Variants in SLC1A7 observed in about 807,000 individuals in gnomAD.
The protein encoded by SLC1A7 is excitatory amino acid transporter 5.
A neutral mutation model predicts 47.7 loss-of-function variants in SLC1A7; 40 were observed. That is an observed-to-expected ratio of 0.84 (90% CI 0.65 to 1.09). The LOEUF is 1.09. SLC1A7 is among the 50% of genes least tolerant of loss of function. The probability of loss-of-function intolerance (pLI) is 0.00; values close to 1 mark genes in which losing one functional copy is unlikely to be tolerated. For synonymous variants in SLC1A7, 323 were observed against 325.6 expected (o/e 0.99, Z 0.09); for missense variants, 746 against 769.5 (o/e 0.97, Z 0.36).
intron 5 of SLC1A7, among the ~76,000 whole-genome samples, chr1:53,097,406 A>G (rs1380673311): frequency 1.1e-5 from 1 of 89,150 alleles, no homozygotes; most frequent in African/African-American, 4.1e-5. Flanking sequence ...CACTCACACA[A>G]CCCACCTTGG....
At chr1:53,123,063 G>C (rs1330248106) in intron 2 of SLC1A7, among the ~76,000 whole-genome samples, 1 of 152,162 alleles carries the variant, frequency 6.6e-6, no homozygotes, top group Non-Finnish European at 1.5e-5. Context: ...TGATAAGCTT[G>C]AACTGGATCA....
chr1:53,087,764 G>C lies in SLC1A7; in HGVS notation c.*245C>G, dbSNP rs1644375352. 6 of 353,498 alleles carry C rather than the reference G, an allele frequency of 1.7e-5. No homozygotes were observed. The Admixed American group carries it at 2.3e-4, about 14-fold the overall frequency. The allele number at this position is 353,498 out of a possible 1,614,324, so 21.9% of individuals were successfully genotyped here. A position where few individuals can be genotyped will look rare whatever the true frequency, so the allele number is the denominator to read the frequency against. On this transcript the variant is annotated 3_prime_UTR_variant, in exon 11 of 11. Transcript: ENST00000371494. ...GCCGCCCTCACCGGGCTCACACCGG[G>C]GAAACTGTCACAGCGGGGCCTCAGG... is the stretch of plus-strand genomic sequence containing the variant.
intron 3 of SLC1A7, chr1:53,107,971 T>G (rs1173156250): frequency 1.3e-5 from 2 of 152,128 alleles, no homozygotes; most frequent in Non-Finnish European, 2.9e-5. Context: ...TCAAGATATT[T>G]CCACCTGTCA....
chr1:53,097,533 A>C (rs1203564419), intron 5 of SLC1A7, among the ~76,000 whole-genome samples: 2 of 150,932 alleles, frequency 1.3e-5, no homozygotes, highest in Non-Finnish European at 3.0e-5. Context: ...GCCTTGGTAC[A>C]ATCACAAAAC....
At chr1:53,130,804 C>T (rs1363847090) in intron 2 of SLC1A7, among the ~76,000 whole-genome samples, 2 of 152,084 alleles carry the variant, frequency 1.3e-5, no homozygotes, top group Admixed American at 6.5e-5. Flanking sequence ...TGAGTAACAA[C>T]CTCACACCAG....
At chr1:53,096,839 C>G (rs1644498417) in intron 5 of SLC1A7, among the ~76,000 whole-genome samples, 1 of 151,812 alleles carries the variant, frequency 6.6e-6, no homozygotes, top group Non-Finnish European at 1.5e-5. Context: ...TCAGAACACT[C>G]ACACACCCTG....
At chr1:53,109,479 T>C (rs1047579396) in intron 3 of SLC1A7, among the ~76,000 whole-genome samples, 2 of 152,180 alleles carry the variant, frequency 1.3e-5, no homozygotes, top group African/African-American at 4.8e-5. Flanking sequence ...ATTCCTGTCT[T>C]GGAGGGTCAT....
At chr1:53,121,406 T>C (rs1460790659) in intron 2 of SLC1A7, among the ~76,000 whole-genome samples, 1 of 152,114 alleles carries the variant, frequency 6.6e-6, no homozygotes, top group Non-Finnish European at 1.5e-5. Flanking sequence ...ATCGAGACAG[T>C]TGGCACCAGA....
At chr1:53,125,870 G>A (rs2150340568) in intron 2 of SLC1A7, among the ~76,000 whole-genome samples, 1 of 152,334 alleles carries the variant, frequency 6.6e-6, no homozygotes, top group Middle Eastern at 3.4e-3. Flanking sequence ...TCCACTGAAT[G>A]AAATAAGCTG....
intron 1 of SLC1A7, among the ~76,000 whole-genome samples, chr1:53,135,981 A>T (rs187484213): frequency 2.6e-5 from 4 of 151,848 alleles, no homozygotes; most frequent in Admixed American, 1.3e-4. Flanking sequence ...GACTCTTGAG[A>T]TCTTCTAGCC....
Position 53,114,586 on chromosome 1 carries a change from G to A in SLC1A7, c.431+172C>T, listed in dbSNP as rs1222562422. On this transcript the variant is annotated intron_variant, in intron 3 of 10. Coordinates refer to ENST00000371494, the MANE Select transcript of SLC1A7 (RefSeq NM_006671.6). ...GGCTGCAAGGTGCTTCTAGCCTGGT[G>A]GGGCAGACGATGCAGCATGAGCCCA... 6.8e-5 allele frequency: 42 copies of A among 616,478 alleles called. No homozygotes were observed. In the East Asian group the frequency reaches 1.1e-3, roughly 17 times the overall value. 38.2% of individuals were successfully genotyped at this position (616,478 alleles called of 1,614,324 possible).
intron 4 of SLC1A7, 56 bp downstream of exon 4, chr1:53,105,676 C>T: frequency 7.4e-7 from 1 of 1,347,616 alleles, no homozygotes; most frequent in Non-Finnish European, 1.1e-6. Context: ...GCCCTGCTGC[C>T]TGCCCTCCTG....
chr1:53,109,540 T>G (rs1225551553), intron 3 of SLC1A7, among the ~76,000 whole-genome samples: 1 of 152,170 alleles, frequency 6.6e-6, no homozygotes, highest in Non-Finnish European at 1.5e-5. Context: ...GAGACAAGGA[T>G]GCAGATCTTT....
intron 1 of SLC1A7, among the ~76,000 whole-genome samples, chr1:53,136,612 A>ATATATAAACATATAT (rs1491156347): frequency 0.036 from 108 of 3,038 alleles, no homozygotes; most frequent in African/African-American, 0.11. Context: ...AACATATATA[A>ATATATAAACATATAT]TATATATAAA....
chr1:53,105,148 A>G (rs1486466329), intron 4 of SLC1A7, among the ~76,000 whole-genome samples: 1 of 152,172 alleles, frequency 6.6e-6, no homozygotes, highest in Non-Finnish European at 1.5e-5. Context: ...GACCAGAAAT[A>G]TATCCTCTGC....
intron 1 of SLC1A7, among the ~76,000 whole-genome samples, chr1:53,142,057 G>A (rs541334173): frequency 6.6e-6 from 1 of 152,280 alleles, no homozygotes; most frequent in Non-Finnish European, 1.5e-5. Flanking sequence ...TTGTCATCAT[G>A]AGGCACCCTC....
intron 5 of SLC1A7, among the ~76,000 whole-genome samples, chr1:53,099,359 C>T (rs111652283): frequency 0.023 from 2,380 of 103,008 alleles, 77 homozygotes; most frequent in African/African-American, 0.075. Context: ...CCTCACATAC[C>T]GCCTCGGTAC....
At chr1:53,138,356 G>T (rs1645021319) in intron 1 of SLC1A7, among the ~76,000 whole-genome samples, 1 of 152,188 alleles carries the variant, frequency 6.6e-6, no homozygotes, top group East Asian at 1.9e-4. Flanking sequence ...AAACTGCTTA[G>T]ATTCTCTGCA....
chr1:53,093,702 C>A, intron 5 of SLC1A7, 142 bp from the exon 6 acceptor site: 1 of 630,890 alleles, frequency 1.6e-6, no homozygotes, highest in Non-Finnish European at 2.8e-6. Flanking sequence ...CCTCTCTCCT[C>A]CTCCACTCTA....
Sources: allele counts gnomAD v4.1 joint callset (sites outside exome capture counted in the v4.1 genomes callset), GRCh38; gene constraint gnomAD v4.1.1; transcripts MANE v1.5; gene names NCBI Gene and HGNC (gene_info 2026-07-23, HGNC 2026-07-21).